MAP3K5: variants seen among roughly 807,000 people sequenced by gnomAD.
The protein encoded by MAP3K5 is mitogen-activated protein kinase kinase kinase 5, also known as ASK-1.
MAP3K5 carries 56 observed loss-of-function variants against 158.7 expected under a neutral mutation model. The ratio of observed to expected loss-of-function variants is 0.35; its 90% confidence interval spans 0.28 to 0.44. The LOEUF (loss-of-function observed/expected upper bound fraction) is 0.44, where lower values mean the gene tolerates loss of function less well. Ranked by LOEUF, MAP3K5 falls within the 20% of genes least tolerant of loss-of-function variation. The pLI, the probability that MAP3K5 is intolerant of heterozygous loss-of-function variation, is 1.00. For missense variants in MAP3K5, 1,294 were observed against 1,674.8 expected, an observed-to-expected ratio of 0.77 and a Z score of 3.97; for synonymous variants, 579 against 601.7, an observed-to-expected ratio of 0.96 and a Z score of 0.55.
chr6:136,618,416 T>C (rs763921766), intron 15 of MAP3K5, among the ~76,000 whole-genome samples: 2 of 152,250 alleles, frequency 1.3e-5, no homozygotes, highest in South Asian at 2.1e-4. Context: ...ACCAACTGCA[T>C]TGTTACAGAA....
chr6:136,721,280 T>G (rs527947954), intron 1 of MAP3K5, among the ~76,000 whole-genome samples: 2 of 151,488 alleles, frequency 1.3e-5, no homozygotes, highest in Non-Finnish European at 2.9e-5. Flanking sequence ...AAAACGAGAT[T>G]TTTAAAAAAT....
intron 6 of MAP3K5, among the ~76,000 whole-genome samples, chr6:136,694,556 T>C (rs1479861451): frequency 6.6e-6 from 1 of 152,198 alleles, no homozygotes; most frequent in Non-Finnish European, 1.5e-5. Context: ...GGTGATGGAT[T>C]TGTACTTACT....
At chr6:136,604,923 A>G (rs778109863) in intron 19 of MAP3K5, among the ~76,000 whole-genome samples, 15 of 152,228 alleles carry the variant, frequency 9.9e-5, no homozygotes, top group Non-Finnish European at 1.6e-4. Flanking sequence ...GGCTTAAATC[A>G]TCTTCAGTAT....
chr6:136,569,531 T>C (rs1189643455), intron 25 of MAP3K5, among the ~76,000 whole-genome samples: 3 of 152,236 alleles, frequency 2.0e-5, no homozygotes, highest in Admixed American at 6.5e-5. Flanking sequence ...TCTTTGAATC[T>C]ACCTATGACC....
chr6:136,757,579 ATTTTTTAT>A (rs1783552540), intron 1 of MAP3K5, among the ~76,000 whole-genome samples: 3 of 111,972 alleles, frequency 2.7e-5, no homozygotes, highest in East Asian at 5.9e-4. Context: ...TTATTTATTT[ATTTTTTAT>A]TTTTTTTTTT....
At chr6:136,710,236 C>T (rs1465975997) in intron 2 of MAP3K5, among the ~76,000 whole-genome samples, 1 of 152,218 alleles carries the variant, frequency 6.6e-6, no homozygotes. Flanking sequence ...TAAGACATAA[C>T]TGCTCTATTT....
chr6:136,780,031 C>A (rs1410914544), intron 1 of MAP3K5, among the ~76,000 whole-genome samples: 3 of 152,150 alleles, frequency 2.0e-5, no homozygotes, highest in African/African-American at 7.2e-5. Context: ...GAATGACCAA[C>A]CTTCTGCAGG....
intron 17 of MAP3K5, among the ~76,000 whole-genome samples, chr6:136,612,650 T>C (rs959261572): frequency 2.0e-5 from 3 of 152,250 alleles, no homozygotes; most frequent in African/African-American, 7.2e-5. Context: ...AGAGAATCTA[T>C]ACCTTATAAT....
chr6:136,670,295 G>A lies in MAP3K5; in HGVS notation c.1254-900C>T, dbSNP rs149518674. ...GGTTTCCTCACATGCATCATTAAACGGGCAACGATATTCAATATAATTTCA... is the reference window on the plus strand; with the variant it reads ...GGTTTCCTCACATGCATCATTAAACAGGCAACGATATTCAATATAATTTCA... On this transcript the variant is annotated intron_variant, in intron 7 of 29. Transcript: ENST00000359015. Among the ~76,000 whole-genome samples, 538 of 151,932 alleles carry A rather than the reference G, an allele frequency of 3.5e-3. 5 individuals carry two copies. Among genetic ancestry groups the A allele is most frequent in the African/African-American group, 0.012 (500 of 41,454 alleles).
intron 1 of MAP3K5, among the ~76,000 whole-genome samples, chr6:136,737,037 G>GTGTA (rs759947051): frequency 4.7e-5 from 6 of 126,996 alleles, no homozygotes; most frequent in African/African-American, 2.3e-4. Context: ...ATATGTGTGT[G>GTGTA]TATATATATA....
intron 19 of MAP3K5, 67 bp from the exon 20 acceptor site, chr6:136,602,046 T>C: frequency 2.3e-6 from 3 of 1,315,274 alleles, no homozygotes; most frequent in Non-Finnish European, 3.2e-6. Context: ...GAACTCCAGC[T>C]TCCATAACTT....
At chr6:136,733,446 A>T (rs1782311768) in intron 1 of MAP3K5, among the ~76,000 whole-genome samples, 1 of 152,220 alleles carries the variant, frequency 6.6e-6, no homozygotes, top group African/African-American at 2.4e-5. Context: ...GTGCATACCA[A>T]GTACTTTATG....
intron 25 of MAP3K5, among the ~76,000 whole-genome samples, chr6:136,574,719 C>T (rs147180292): frequency 0.028 from 3,591 of 126,876 alleles, 170 homozygotes; most frequent in African/African-American, 0.1. Flanking sequence ...GAAGGAGTCT[C>T]GCTCTTTCAC....
At chr6:136,749,327 C>T (rs1219727013) in intron 1 of MAP3K5, among the ~76,000 whole-genome samples, 1 of 148,770 alleles carries the variant, frequency 6.7e-6, no homozygotes, top group Non-Finnish European at 1.5e-5. Context: ...GAGCCAAGAT[C>T]ATGCTACTGC....
chr6:136,687,239 G>A (rs1156750035), intron 7 of MAP3K5, among the ~76,000 whole-genome samples: 15 of 152,104 alleles, frequency 9.9e-5, no homozygotes, highest in Admixed American at 9.8e-4. Context: ...AGCTGAAACT[G>A]GACCCCTTCC....
At chr6:136,588,552 G>A (rs1358811752) in intron 23 of MAP3K5, among the ~76,000 whole-genome samples, 4 of 152,168 alleles carry the variant, frequency 2.6e-5, no homozygotes, top group East Asian at 1.9e-4. Flanking sequence ...TCAAGGGGAT[G>A]CAGATATTTT....
rs148188997 is a variant in MAP3K5 at position 136,791,753 on chromosome 6, G to A, written c.405C>T (p.Leu135=). The A allele has an allele frequency of 3.1e-6, 5 of 1,613,428 alleles. No homozygotes were observed. Among genetic ancestry groups the A allele is most frequent in the Non-Finnish European group, 8.5e-7 (1 of 1,180,026 alleles). Residue 135 remains leucine (L), a synonymous_variant, in exon 1 of 30, where the codon CTC becomes CTT. Coordinates refer to ENST00000359015, the MANE Select transcript of MAP3K5 (RefSeq NM_005923.4). ...CCAGCACGGTGGTTTCTCCAAAGTC[G>A]AGTTTCCCAAAATGCAGGGTTTCCA... is the stretch of plus-strand genomic sequence containing the variant. ...ATLETLHFGK[L]DFGETTVLDR... is the part of the protein sequence containing the mutation.
At chr6:136,662,177 T>C (rs1252203222) in intron 8 of MAP3K5, among the ~76,000 whole-genome samples, 1 of 152,246 alleles carries the variant, frequency 6.6e-6, no homozygotes, top group African/African-American at 2.4e-5. Context: ...TTAGTGTTGA[T>C]GCATTTTTGC....
intron 10 of MAP3K5, 96 bp from the exon 11 acceptor site, chr6:136,651,187 T>C (rs1362905778): frequency 3.3e-6 from 2 of 600,778 alleles, no homozygotes; most frequent in African/African-American, 3.8e-5. Flanking sequence ...AGAGGATTAT[T>C]GCATGAGCTT....
Sources: gnomAD v4.1 joint callset for allele counts (sites outside exome capture counted in the v4.1 genomes callset) on GRCh38, gnomAD v4.1.1 for gene constraint, MANE v1.5 for transcripts, NCBI Gene and HGNC (gene_info 2026-07-23, HGNC 2026-07-21) for gene names.